RNF13: variants seen among roughly 807,000 people sequenced by gnomAD.
RNF13 encodes the protein E3 ubiquitin-protein ligase RNF13.
A neutral mutation model predicts 37.7 loss-of-function variants in RNF13; 19 were observed. The observed-to-expected ratio is 0.50, with a 90% CI of 0.35 to 0.74. The LOEUF is 0.74. Ranked by LOEUF, RNF13 falls within the 30% of genes least tolerant of loss-of-function variation. The pLI is 0.01. For synonymous variants in RNF13, 144 were observed against 157.8 expected (o/e 0.91, Z 0.65); for missense variants, 375 against 453.0 (o/e 0.83, Z 1.56).
intron 3 of RNF13, among the ~76,000 whole-genome samples, chr3:149,852,998 T>C (rs1723254373): frequency 6.6e-6 from 1 of 152,060 alleles, no homozygotes; most frequent in East Asian, 1.9e-4. Context: ...TGCCTTTTTC[T>C]TTTAATTGTA....
At position 149,962,112 on chromosome 3, in the gene RNF13, CAT is replaced by C. The variant is rs1201091740; in HGVS notation, c.*1009_*1010del. On this transcript the variant is annotated 3_prime_UTR_variant, in exon 10 of 10. Coordinates refer to ENST00000392894, the MANE Select transcript of RNF13 (RefSeq NM_183381.3). ...TGAGGGGAGTTTGAATGTTAATAAA[CAT>C]GTTTTCCACTTTAAGATCCAGTAAA... 3.3e-5 allele frequency: 5 copies of C among 152,514 alleles called. No individual in the cohort carries two copies. Among genetic ancestry groups the C allele is most frequent in the Non-Finnish European group, 7.4e-5 (5 of 67,996 alleles). The allele number at this position is 152,514 out of a possible 1,614,324, so 9.4% of individuals were successfully genotyped here. A position where few individuals can be genotyped will look rare whatever the true frequency, so the allele number is the denominator to read the frequency against.
chr3:149,869,593 G>A (rs1012332642), intron 3 of RNF13, among the ~76,000 whole-genome samples: 4 of 151,460 alleles, frequency 2.6e-5, no homozygotes, highest in East Asian at 1.9e-4. Flanking sequence ...GCGACAGAGC[G>A]AGACTCCGCC....
In RNF13 at chr3:149,883,462, G is replaced by T. The variant is rs540806093; in HGVS notation, c.321+11308G>T. Among the ~76,000 whole-genome samples the T allele has an allele frequency of 3.3e-5, 5 of 151,696 alleles. No individual in the cohort carries two copies. The East Asian group carries it at 9.7e-4, about 29-fold the overall frequency. ...GTGTATGTATCATCCATTTCTCTGA[G>T]CCTTATGTTTATATTCTCCTTCAAA... is the stretch of plus-strand genomic sequence containing the variant. On this transcript the variant is annotated intron_variant, in intron 4 of 9. Transcript: ENST00000392894.
At chr3:149,868,061 A>G (rs1022805288) in intron 3 of RNF13, among the ~76,000 whole-genome samples, 3 of 151,950 alleles carry the variant, frequency 2.0e-5, no homozygotes, top group African/African-American at 7.2e-5. Flanking sequence ...AAAATCTTCT[A>G]CACTTTAACT....
intron 8 of RNF13, among the ~76,000 whole-genome samples, chr3:149,937,395 GA>G (rs1453949289): frequency 6.6e-6 from 1 of 152,064 alleles, no homozygotes; most frequent in African/African-American, 2.4e-5. Flanking sequence ...TAGAGAAGTC[GA>G]GGGGCATCAT....
intron 3 of RNF13, among the ~76,000 whole-genome samples, chr3:149,870,954 G>C (rs985953375): frequency 1.3e-5 from 2 of 150,366 alleles, no homozygotes; most frequent in African/African-American, 4.9e-5. Context: ...TGAAATCAGT[G>C]AATTTGATCA....
At chr3:149,871,268 C>G (rs562050159) in intron 3 of RNF13, among the ~76,000 whole-genome samples, 1 of 151,744 alleles carries the variant, frequency 6.6e-6, no homozygotes, top group Admixed American at 6.6e-5. Flanking sequence ...TCTTGAACTC[C>G]TGACTTCAGG....
At chr3:149,903,723 C>T (rs1369252220) in intron 6 of RNF13, among the ~76,000 whole-genome samples, 1 of 151,996 alleles carries the variant, frequency 6.6e-6, no homozygotes, top group Non-Finnish European at 1.5e-5. Context: ...AATAACATTC[C>T]AAATAGAATT....
intron 9 of RNF13, 54 bp from the exon 10 acceptor site, chr3:149,960,686 A>G: frequency 2.0e-6 from 3 of 1,509,346 alleles, no homozygotes; most frequent in Non-Finnish European, 2.7e-6. Flanking sequence ...GAGATTAAAT[A>G]TAAAAGTATC....
chr3:149,818,363 A>T (rs968515981), intron 1 of RNF13, among the ~76,000 whole-genome samples: 3 of 152,168 alleles, frequency 2.0e-5, no homozygotes, highest in Admixed American at 6.5e-5. Context: ...TGAATACTAT[A>T]CCAGATTGTA....
At chr3:149,834,257 A>G (rs1335555884) in intron 1 of RNF13, among the ~76,000 whole-genome samples, 2 of 152,222 alleles carry the variant, frequency 1.3e-5, no homozygotes, top group Non-Finnish European at 2.9e-5. Context: ...AGGAAAATCT[A>G]TCCTAAACCA....
intron 8 of RNF13, among the ~76,000 whole-genome samples, chr3:149,955,201 G>C (rs1320944853): frequency 6.6e-6 from 1 of 151,826 alleles, no homozygotes; most frequent in Non-Finnish European, 1.5e-5. Context: ...TCAGAGACTG[G>C]AAAAAAGCAA....
intron 1 of RNF13, among the ~76,000 whole-genome samples, chr3:149,817,515 T>G (rs1312378596): frequency 6.6e-6 from 1 of 152,210 alleles, no homozygotes; most frequent in Non-Finnish European, 1.5e-5. Context: ...GATTTGTTAT[T>G]TTTATTATCC....
intron 3 of RNF13, among the ~76,000 whole-genome samples, chr3:149,853,697 T>A (rs1337553643): frequency 6.8e-6 from 1 of 146,798 alleles, no homozygotes; most frequent in African/African-American, 2.5e-5. Context: ...AATTCTTCTT[T>A]TTCCTCTACC....
chr3:149,867,705 G>C (rs1711522937), intron 3 of RNF13, among the ~76,000 whole-genome samples: 1 of 151,800 alleles, frequency 6.6e-6, no homozygotes, highest in African/African-American at 2.4e-5. Flanking sequence ...TTTGTAAGCA[G>C]CATTGTATTG....
chr3:149,828,862 G>A (rs936930242), intron 1 of RNF13, among the ~76,000 whole-genome samples: 4 of 152,146 alleles, frequency 2.6e-5, no homozygotes, highest in Admixed American at 2.6e-4. Flanking sequence ...TTTTCTGTCT[G>A]CATCTCAAGG....
chr3:149,913,240 A>T (rs1018198100), intron 7 of RNF13, among the ~76,000 whole-genome samples: 2 of 152,120 alleles, frequency 1.3e-5, no homozygotes, highest in African/African-American at 4.8e-5. Context: ...TAGACTTATT[A>T]CACATATAGT....
intron 8 of RNF13, among the ~76,000 whole-genome samples, chr3:149,923,136 A>G (rs552431698): frequency 3.5e-4 from 54 of 152,346 alleles, no homozygotes; most frequent in South Asian, 1.7e-3. Flanking sequence ...GAAAAAGAAC[A>G]TCATGTTAAA....
At chr3:149,849,110 A>C (rs757479916) in intron 2 of RNF13, among the ~76,000 whole-genome samples, 2 of 152,192 alleles carry the variant, frequency 1.3e-5, no homozygotes, top group Non-Finnish European at 2.9e-5. Flanking sequence ...AAAGAAACGT[A>C]ATACTATTAA....
Sources: gnomAD v4.1 joint callset for allele counts (sites outside exome capture counted in the v4.1 genomes callset) on GRCh38, gnomAD v4.1.1 for gene constraint, MANE v1.5 for transcripts, NCBI Gene and HGNC (gene_info 2026-07-23, HGNC 2026-07-21) for gene names.